ADGRL4: variants seen among roughly 807,000 people sequenced by gnomAD.
ADGRL4 encodes the protein EGF, latrophilin and seven transmembrane domain containing 1.
In ADGRL4, 90 loss-of-function variants were observed where a neutral mutation model predicts 74.8. The observed-to-expected ratio is 1.20, with a 90% CI of 1.02 to 1.43. The LOEUF (loss-of-function observed/expected upper bound fraction) is 1.43, where lower values mean the gene tolerates loss of function less well. Among genes scored for constraint, ADGRL4 ranks in the 40% most tolerant of loss-of-function variants. ADGRL4 has a pLI of 0.00. For missense variants in ADGRL4, 881 were observed against 814.3 expected, an observed-to-expected ratio of 1.08 and a Z score of -1.00; for synonymous variants, 311 against 279.2, an observed-to-expected ratio of 1.11 and a Z score of -1.14.
chr1:78,938,100 A>G lies in ADGRL4; in HGVS notation c.576T>C (p.Thr192=). Residue 192 remains threonine (T), a splice_region_variant and synonymous_variant, in exon 5 of 15, where the codon ACT becomes ACC. Coordinates refer to ENST00000370742, the MANE Select transcript of ADGRL4 (RefSeq NM_022159.4). ...AKDTLSNSTL[T]EFVKTVNNFV... ...TTGAGTTAAAGCTGAACATACTTAC[A>G]GTAAGAGTTGAGTTAGAAAGGGTGT... 6.2e-7 allele frequency: 1 copy of G among 1,612,382 alleles called. No individual in the cohort carries two copies. The highest frequency in any genetic ancestry group is 8.5e-7 in the Non-Finnish European group (1 of 1,179,454).
chr1:78,941,652 T>A (rs1285099095), intron 3 of ADGRL4, among the ~76,000 whole-genome samples: 1 of 152,066 alleles, frequency 6.6e-6, no homozygotes, highest in Non-Finnish European at 1.5e-5. Flanking sequence ...TGGACTCAAT[T>A]TCCATCCTCC....
chr1:78,927,455 T>C (rs942798928), intron 7 of ADGRL4, among the ~76,000 whole-genome samples: 2 of 152,112 alleles, frequency 1.3e-5, no homozygotes, highest in Non-Finnish European at 2.9e-5. Context: ...CTTGTATAAA[T>C]ATATGAACTT....
chr1:78,902,203 C>T lies in ADGRL4; in HGVS notation c.1750-9014G>A, dbSNP rs140806410. 3.6e-3 allele frequency among the ~76,000 whole-genome samples: 550 copies of T among 152,220 alleles called. 1 individual carries two copies. The highest frequency in any genetic ancestry group is 0.013 in the African/African-American group (535 of 41,538). On this transcript the variant is annotated intron_variant, in intron 12 of 14. Coordinates refer to ENST00000370742, the MANE Select transcript of ADGRL4 (RefSeq NM_022159.4). Reference sequence around the variant, plus strand: ...CGCTCTGAGATAATGTGGCATTCTGCATGTACTTCAAAACTACTGTTATAT... The same window carrying T: ...CGCTCTGAGATAATGTGGCATTCTGTATGTACTTCAAAACTACTGTTATAT...
chr1:78,898,512 T>A (rs1648445976), intron 12 of ADGRL4, among the ~76,000 whole-genome samples: 1 of 100,926 alleles, frequency 9.9e-6, no homozygotes, highest in South Asian at 2.7e-4. Flanking sequence ...TTTTGTCTCA[T>A]TTTTTTTTTT....
Position 78,938,151 on chromosome 1 carries a change from G to C in ADGRL4, c.525C>G (p.Tyr175Ter). The change falls in exon 5 of 15, where the codon TAC becomes TAG. Residue 175 changes from tyrosine (Y) to a stop codon, truncating the protein, a stop_gained. Coordinates refer to ENST00000370742, the MANE Select transcript of ADGRL4 (RefSeq NM_022159.4). LOFTEE classifies it high-confidence loss of function. Reference sequence around the variant, plus strand: ...CCTTGGCTGAGATAGTGTTGTTCTTGTAACCTAGTAATGAAGATGATTCAG... The same window carrying C: ...CCTTGGCTGAGATAGTGTTGTTCTTCTAACCTAGTAATGAAGATGATTCAG... ...ILAESSSLLGYKNNTISAKDT... is the reference protein window; with the variant it reads ...ILAESSSLLG 6.2e-7 allele frequency: 1 copy of C among 1,613,002 alleles called. No individual in the cohort carries two copies. The highest frequency in any genetic ancestry group is 1.7e-5 in the Admixed American group (1 of 59,880).
intron 2 of ADGRL4, among the ~76,000 whole-genome samples, chr1:78,949,597 A>G (rs761451121): frequency 3.3e-5 from 5 of 152,176 alleles, no homozygotes; most frequent in Admixed American, 6.6e-5. Flanking sequence ...AATATGAATT[A>G]TTTAAATTGC....
Position 78,911,224 on chromosome 1 carries a change from T to C in ADGRL4, c.1749+6410A>G, listed in dbSNP as rs1012719891. Among the ~76,000 whole-genome samples the C allele has an allele frequency of 6.6e-5, 10 of 151,852 alleles. No homozygotes were observed. The East Asian group carries it at 1.2e-3, about 18-fold the overall frequency. Reference sequence around the variant, plus strand: ...CTATGGATAAACTGTAAGGATTCCATGTAGGAATGATTGGGATTAAAGATT... The same window carrying C: ...CTATGGATAAACTGTAAGGATTCCACGTAGGAATGATTGGGATTAAAGATT... On this transcript the variant is annotated intron_variant, in intron 12 of 14. Coordinates refer to ENST00000370742, the MANE Select transcript of ADGRL4 (RefSeq NM_022159.4).
At chr1:78,998,600 T>C (rs1226138822) in intron 2 of ADGRL4, among the ~76,000 whole-genome samples, 1 of 152,046 alleles carries the variant, frequency 6.6e-6, no homozygotes, top group Non-Finnish European at 1.5e-5. Flanking sequence ...TATCTCGACA[T>C]GGTGACCCAC....
chr1:78,908,841 T>C (rs1445641011), intron 12 of ADGRL4, among the ~76,000 whole-genome samples: 1 of 152,026 alleles, frequency 6.6e-6, no homozygotes, highest in African/African-American at 2.4e-5. Flanking sequence ...TTTATTCAGC[T>C]TTTAAGACAT....
At chr1:78,982,281 CTAA>C (rs1340380227) in intron 2 of ADGRL4, among the ~76,000 whole-genome samples, 1 of 151,800 alleles carries the variant, frequency 6.6e-6, no homozygotes, top group Admixed American at 6.6e-5. Flanking sequence ...AACACTTACA[CTAA>C]TATGGTTGTA....
intron 7 of ADGRL4, among the ~76,000 whole-genome samples, chr1:78,927,585 T>C (rs994785229): frequency 1.3e-5 from 2 of 152,114 alleles, no homozygotes; most frequent in African/African-American, 4.8e-5. Context: ...CTATTTAATA[T>C]TGATAACATG....
At chr1:78,894,645 A>C (rs1286649947) in intron 12 of ADGRL4, among the ~76,000 whole-genome samples, 1 of 151,848 alleles carries the variant, frequency 6.6e-6, no homozygotes, top group Non-Finnish European at 1.5e-5. Context: ...ACTGTATTTA[A>C]TTTTATAAAT....
At chr1:78,924,734 G>T (rs1020496613) in intron 8 of ADGRL4, among the ~76,000 whole-genome samples, 1 of 152,092 alleles carries the variant, frequency 6.6e-6, no homozygotes, top group Admixed American at 6.6e-5. Context: ...CCAGGGAAAT[G>T]ATTGAGCTCC....
chr1:78,991,574 A>G (rs1650608333), intron 2 of ADGRL4, among the ~76,000 whole-genome samples: 1 of 152,004 alleles, frequency 6.6e-6, no homozygotes. Context: ...TTAAGTCTCG[A>G]TATGCTCATC....
intron 2 of ADGRL4, among the ~76,000 whole-genome samples, chr1:79,000,228 G>A (rs1650813911): frequency 1.3e-5 from 2 of 151,926 alleles, no homozygotes; most frequent in South Asian, 2.1e-4. Flanking sequence ...TTTCATTATC[G>A]GTTACTTGGG....
intron 2 of ADGRL4, among the ~76,000 whole-genome samples, chr1:78,997,863 G>C (rs1341356247): frequency 6.6e-6 from 1 of 152,158 alleles, no homozygotes; most frequent in South Asian, 2.1e-4. Flanking sequence ...GTAAACGCAG[G>C]TGGGTACAGT....
chr1:78,904,508 T>C (rs2100657704), intron 12 of ADGRL4, among the ~76,000 whole-genome samples: 1 of 152,156 alleles, frequency 6.6e-6, no homozygotes, highest in East Asian at 1.9e-4. Context: ...TTATATAAAA[T>C]ATTAGTAAAC....
intron 7 of ADGRL4, among the ~76,000 whole-genome samples, chr1:78,927,653 T>C (rs934383926): frequency 2.0e-5 from 3 of 152,064 alleles, no homozygotes; most frequent in African/African-American, 7.2e-5. Context: ...CATTTATCCA[T>C]GTCCCCTAAA....
chr1:78,950,853 A>G (rs1649707700), intron 2 of ADGRL4, among the ~76,000 whole-genome samples: 1 of 152,160 alleles, frequency 6.6e-6, no homozygotes, highest in Non-Finnish European at 1.5e-5. Context: ...TCCACTTACC[A>G]GGACAGGGAG....
Sources: gnomAD v4.1 joint callset for allele counts (sites outside exome capture counted in the v4.1 genomes callset) on GRCh38, gnomAD v4.1.1 for gene constraint, MANE v1.5 for transcripts, NCBI Gene and HGNC (gene_info 2026-07-23, HGNC 2026-07-21) for gene names.